Variants in PES1 observed in about 807,000 individuals in gnomAD.
PES1 encodes the protein pescadillo homolog.
PES1 carries 31 observed loss-of-function variants against 77.1 expected under a neutral mutation model. The observed-to-expected ratio is 0.40, with a 90% CI of 0.30 to 0.54. PES1 has a LOEUF of 0.54. PES1 is among the 20% of genes least tolerant of loss of function. The pLI is 0.45. For missense variants in PES1, 658 were observed against 771.7 expected (o/e 0.85, Z 1.75); for synonymous variants, 282 against 303.0 (o/e 0.93, Z 0.72).
chr22:30,576,687 C>G lies in PES1; in HGVS notation c.*359G>C, dbSNP rs763802865. 1.8e-4 allele frequency: 56 copies of G among 318,954 alleles called. No individual in the cohort carries two copies. Among genetic ancestry groups the G allele is most frequent in the Admixed American group, 2.7e-4 (6 of 22,202 alleles). 19.8% of individuals were successfully genotyped at this position (318,954 alleles called of 1,614,324 possible). On this transcript the variant is annotated 3_prime_UTR_variant, in exon 15 of 15. Transcript: ENST00000354694. ...TGCTCCCCCTACCCTCACCCCATCA[C>G]AGCACCCTGAGAATCACGGGTCCAA... is the stretch of plus-strand genomic sequence containing the variant.
At chr22:30,602,311 C>G (rs1306926827) in intron 2 of PES1, among the ~76,000 whole-genome samples, 1 of 152,140 alleles carries the variant, frequency 6.6e-6, no homozygotes, top group Non-Finnish European at 1.5e-5. Flanking sequence ...CTTGCTTCCC[C>G]TTTGCTTTCT....
At chr22:30,577,342 TA>T in intron 14 of PES1, among the ~76,000 whole-genome samples, 1 of 152,192 alleles carries the variant, frequency 6.6e-6, no homozygotes, top group East Asian at 1.9e-4. Context: ...AATCTCGAGA[TA>T]AGAGAATCCT....
At chr22:30,587,683 G>A (rs1284209736) in intron 3 of PES1, among the ~76,000 whole-genome samples, 1 of 152,224 alleles carries the variant, frequency 6.6e-6, no homozygotes, top group Non-Finnish European at 1.5e-5. Context: ...CAGCAAAGCA[G>A]CTCCGTTTTT....
upstream of PES1, among the ~76,000 whole-genome samples, chr22:30,595,492 T>C (rs543790586): frequency 5.2e-4 from 76 of 144,874 alleles, no homozygotes; most frequent in South Asian, 2.8e-3. Context: ...GAGCCAAGAT[T>C]GCACCACTGC....
intron 4 of PES1, chr22:30,585,281 G>A: frequency 2.1e-6 from 1 of 471,480 alleles, no homozygotes; most frequent in South Asian, 1.5e-5. Flanking sequence ...TTGGGTCCAG[G>A]AAGAGCCAGA....
chr22:30,585,548 G>A (rs868814804), intron 4 of PES1, among the ~76,000 whole-genome samples: 33 of 152,148 alleles, frequency 2.2e-4, no homozygotes, highest in African/African-American at 7.2e-4. Context: ...CCTCTCTCCC[G>A]CAGCCACAGC....
At chr22:30,590,599 T>C (rs2087161866) in intron 1 of PES1, among the ~76,000 whole-genome samples, 1 of 152,232 alleles carries the variant, frequency 6.6e-6, no homozygotes, top group African/African-American at 2.4e-5. Flanking sequence ...CACTTATCTC[T>C]GTCACCATGC....
At chr22:30,579,510 T>A (rs2086949531) in intron 12 of PES1, 8 of 787,126 alleles carry the variant, frequency 1.0e-5, no homozygotes, top group Non-Finnish European at 1.6e-5. Flanking sequence ...CTGAGCTCTG[T>A]CGCCTCCAAT....
intron 2 of PES1, chr22:30,601,813 C>A (rs763206540): frequency 6.6e-6 from 1 of 150,772 alleles, no homozygotes; most frequent in African/African-American, 2.4e-5. Flanking sequence ...CGCTCTGTTT[C>A]CCAGGCTGGA....
chr22:30,602,438 C>CTTTTTTTT (rs60067454), intron 2 of PES1, among the ~76,000 whole-genome samples: 7,121 of 142,624 alleles, frequency 0.05, 308 homozygotes, highest in African/African-American at 0.085. Flanking sequence ...AAAACTAATA[C>CTTTTTTTT]TTTTTTTTTT....
intron 2 of PES1, among the ~76,000 whole-genome samples, chr22:30,600,379 A>G (rs2087336967): frequency 6.6e-6 from 1 of 152,158 alleles, no homozygotes; most frequent in Non-Finnish European, 1.5e-5. Context: ...ACAGTCTTAT[A>G]TAACATAGAT....
At chr22:30,600,886 T>C (rs1778205479) in intron 2 of PES1, among the ~76,000 whole-genome samples, 1 of 152,204 alleles carries the variant, frequency 6.6e-6, no homozygotes, top group Admixed American at 6.5e-5. Context: ...TTTTATGCGA[T>C]AAAAGCTGGA....
chr22:30,597,739 A>C (rs1051368203), intron 2 of PES1, among the ~76,000 whole-genome samples: 2 of 151,966 alleles, frequency 1.3e-5, no homozygotes, highest in Non-Finnish European at 2.9e-5. Context: ...ACCAATCAGC[A>C]CTCTGTAAAA....
At chr22:30,582,702 G>A (rs1175421887) in intron 6 of PES1, among the ~76,000 whole-genome samples, 2 of 152,180 alleles carry the variant, frequency 1.3e-5, no homozygotes, top group Non-Finnish European at 2.9e-5. Flanking sequence ...GCCAGACAGT[G>A]ACCTGTGCTG....
intron 2 of PES1, among the ~76,000 whole-genome samples, chr22:30,598,885 ATTTTTTTTTTTTTTTTT>A (rs71200084): frequency 3.9e-5 from 2 of 51,190 alleles, no homozygotes; most frequent in Non-Finnish European, 6.7e-5. Context: ...CTTAAGTAAA[ATTTTTTTTTTTTTTTTT>A]TTTTTTTTTT....
chr22:30,603,119 C>T (rs569283801), intron 2 of PES1, among the ~76,000 whole-genome samples: 144 of 152,182 alleles, frequency 9.5e-4, no homozygotes, highest in Middle Eastern at 6.8e-3. Flanking sequence ...CCACGTTGGT[C>T]AGGCTGGTCT....
rs778500925 is a variant in PES1 at position 30,584,721 on chromosome 22, C to T, written c.369-4G>A. On this transcript the variant is annotated splice_region_variant and splice_polypyrimidine_tract_variant and intron_variant, in intron 4 of 14. Coordinates refer to ENST00000354694, the MANE Select transcript of PES1 (RefSeq NM_014303.4). The stretch of plus-strand genomic sequence containing the variant: ...GGCATCGATGAACGTGGGATACCTG[C>T]ATGGCCAGTGAGGCAGCACATGGGG... 1 of 1,613,234 alleles carries T rather than the reference C, an allele frequency of 6.2e-7. No individual in the cohort carries two copies. The highest frequency in any genetic ancestry group is 1.7e-5 in the Admixed American group (1 of 60,002).
In PES1 at chr22:30,584,193, C is replaced by T. The variant is rs2087031815; in HGVS notation, c.630+172G>A. 9.6e-6 allele frequency: 6 copies of T among 626,574 alleles called. No individual in the cohort carries two copies. In the South Asian group the frequency reaches 1.1e-4, roughly 12 times the overall value. 38.8% of individuals were successfully genotyped at this position (626,574 alleles called of 1,614,324 possible). A position where few individuals can be genotyped will look rare whatever the true frequency, so the allele number is the denominator to read the frequency against. ...TGCTGCCATAGGGCTAGCTTAGGCT[C>T]CCGCTCTTAATGAGGATGCTGTGTG... is the stretch of plus-strand genomic sequence containing the variant. On this transcript the variant is annotated intron_variant, in intron 6 of 14. Coordinates refer to ENST00000354694, the MANE Select transcript of PES1 (RefSeq NM_014303.4).
At chr22:30,582,030 A>G (rs1304980231) in intron 6 of PES1, among the ~76,000 whole-genome samples, 1 of 152,128 alleles carries the variant, frequency 6.6e-6, no homozygotes, top group Admixed American at 6.5e-5. Flanking sequence ...CGGACAGACC[A>G]CTTTCCGACC....
Sources: allele counts gnomAD v4.1 joint callset (sites outside exome capture counted in the v4.1 genomes callset), GRCh38; gene constraint gnomAD v4.1.1; transcripts MANE v1.5; gene names NCBI Gene and HGNC (gene_info 2026-07-23, HGNC 2026-07-21).